The following SEC14L1 variants were observed in gnomAD, a reference collection of about 807,000 sequenced individuals.
SEC14L1 encodes SEC14 like lipid binding 1.
Under a neutral mutation model 85.3 loss-of-function variants are expected in SEC14L1, and 48 were observed. The ratio of observed to expected loss-of-function variants is 0.56; its 90% CI spans 0.45 to 0.72. The LOEUF (loss-of-function observed/expected upper bound fraction) is 0.72. Ranked by LOEUF, SEC14L1 falls within the 30% of genes least tolerant of loss-of-function variation. The probability of loss-of-function intolerance (pLI) is 0.00; values close to 1 mark genes in which losing one functional copy is unlikely to be tolerated. For missense variants in SEC14L1, 682 were observed against 921.4 expected (o/e 0.74, Z 3.36); for synonymous variants, 391 against 355.5 (o/e 1.10, Z -1.12).
chr17:77,089,333 G>A (rs777499299), intron 2 of SEC14L1: 1 of 511,484 alleles, frequency 2.0e-6, no homozygotes, highest in Non-Finnish European at 3.9e-6. Context: ...CTCCTGTGTT[G>A]TTGAGCCTGC....
chr17:77,189,744 T>TCA (rs1365732890), intron 3 of SEC14L1, among the ~76,000 whole-genome samples: 1 of 152,186 alleles, frequency 6.6e-6, no homozygotes, highest in East Asian at 1.9e-4. Context: ...TTCTCCTGCC[T>TCA]CAGCCTCCTG....
At chr17:77,140,157 T>G (rs1248721291), upstream of SEC14L1, among the ~76,000 whole-genome samples, 1 of 152,180 alleles carries the variant, frequency 6.6e-6, no homozygotes, top group Admixed American at 6.5e-5. Context: ...CCAAAATGTC[T>G]CAGTGGTACC....
chr17:77,193,556 G>A lies in SEC14L1; in HGVS notation c.474+7G>A. ...TACCAGCAACATTAAAAAAGTGAGT[G>A]TATCTTGGGATTTTGTGGCAGAGGG... On this transcript the variant is annotated splice_region_variant and intron_variant, in intron 6 of 16. Coordinates refer to ENST00000436233, the MANE Select transcript of SEC14L1 (RefSeq NM_001143998.2). The A allele has an allele frequency of 1.2e-6, 2 of 1,603,246 alleles. No homozygotes were observed. The highest frequency in any genetic ancestry group is 1.1e-5 in the South Asian group (1 of 89,960).
rs190885042 is a variant in SEC14L1, at chr17:77,119,938, C to T, written c.-135-22708C>T. On this transcript the variant is annotated intron_variant, in intron 3 of 19. Coordinates refer to the SEC14L1 transcript ENST00000392476. The stretch of plus-strand genomic sequence containing the variant: ...TCGGGAATCTGACCTTTGGGACATT[C>T]CCCAGGCTGCCCTGACCCTCAGTCT... 1.5e-3 allele frequency among the ~76,000 whole-genome samples: 222 copies of T among 152,322 alleles called. 1 individual carries two copies. Among genetic ancestry groups the T allele is most frequent in the Middle Eastern group, 3.4e-3 (1 of 294 alleles).
intron 6 of SEC14L1, among the ~76,000 whole-genome samples, chr17:77,194,212 T>C (rs1251715547): frequency 6.6e-6 from 1 of 152,204 alleles, no homozygotes; most frequent in Non-Finnish European, 1.5e-5. Flanking sequence ...TTTGGCCTTT[T>C]CTTTTTTTCT....
intron 9 of SEC14L1, among the ~76,000 whole-genome samples, 169 bp downstream of exon 9, chr17:77,200,842 A>G (rs932975600): frequency 2.0e-5 from 3 of 152,172 alleles, no homozygotes; most frequent in African/African-American, 7.2e-5. Flanking sequence ...GATACGTGTC[A>G]CCACGGGCAC....
chr17:77,138,982 G>A (rs977304926), upstream of SEC14L1, among the ~76,000 whole-genome samples: 8 of 152,128 alleles, frequency 5.3e-5, no homozygotes, highest in African/African-American at 1.9e-4. Flanking sequence ...TTAATCTATA[G>A]ATTGACCATT....
At chr17:77,204,306 C>T (rs1976345020) in intron 10 of SEC14L1, among the ~76,000 whole-genome samples, 1 of 152,118 alleles carries the variant, frequency 6.6e-6, no homozygotes, top group Non-Finnish European at 1.5e-5. Flanking sequence ...CAACCTCCAC[C>T]TCCCAGGTTC....
At chr17:77,125,327 A>G (rs1972416362) in intron 3 of SEC14L1, among the ~76,000 whole-genome samples, 1 of 152,120 alleles carries the variant, frequency 6.6e-6, no homozygotes, top group African/African-American at 2.4e-5. Flanking sequence ...AAGAAAAGAA[A>G]AAGAAAAAAA....
chr17:77,192,953 T>C (rs1975616994), intron 5 of SEC14L1, among the ~76,000 whole-genome samples: 1 of 152,226 alleles, frequency 6.6e-6, no homozygotes, highest in Non-Finnish European at 1.5e-5. Context: ...TGAACCATCA[T>C]GCCTGACCCC....
intron 3 of SEC14L1, among the ~76,000 whole-genome samples, chr17:77,108,284 C>G (rs996943629): frequency 6.6e-6 from 1 of 152,110 alleles, no homozygotes; most frequent in African/African-American, 2.4e-5. Flanking sequence ...TAAACGTGGT[C>G]GTCATAACCC....
At chr17:77,142,080 C>T (rs891879383) in intron 1 of SEC14L1, among the ~76,000 whole-genome samples, 3 of 152,112 alleles carry the variant, frequency 2.0e-5, no homozygotes, top group Non-Finnish European at 4.4e-5. Flanking sequence ...CTTTCAAGAT[C>T]ATCTCCCCGA....
intron 3 of SEC14L1, among the ~76,000 whole-genome samples, chr17:77,169,501 C>G (rs1186036648): frequency 6.6e-6 from 1 of 152,190 alleles, no homozygotes; most frequent in Non-Finnish European, 1.5e-5. Context: ...GCCGCACAAG[C>G]CTAACAGTCA....
At position 77,215,795 on chromosome 17, in the gene SEC14L1, A is replaced by G. The variant is rs1162646326; in HGVS notation, c.*1772A>G. On this transcript the variant is annotated 3_prime_UTR_variant, in exon 17 of 17. Coordinates refer to ENST00000436233, the MANE Select transcript of SEC14L1 (RefSeq NM_001143998.2). ...GGGCTAGTAGGTAGGGTTCGTAGGTAGGGTTCGTAGGTAGGGCTGGTAGGT... is the reference window on the plus strand; with the variant it reads ...GGGCTAGTAGGTAGGGTTCGTAGGTGGGGTTCGTAGGTAGGGCTGGTAGGT... 1.0e-6 allele frequency: 1 copy of G among 957,906 alleles called. No individual in the cohort carries two copies. 59.3% of individuals were successfully genotyped at this position (957,906 alleles called of 1,614,324 possible).
chr17:77,195,317 T>G (rs1197701098), intron 7 of SEC14L1, among the ~76,000 whole-genome samples: 6 of 145,366 alleles, frequency 4.1e-5, no homozygotes, highest in Non-Finnish European at 7.6e-5. Context: ...TTTTTTTTTG[T>G]TTGTTTGTTT....
At chr17:77,159,382 C>CTTTTT (rs763082986) in intron 3 of SEC14L1, among the ~76,000 whole-genome samples, 1 of 118,152 alleles carries the variant, frequency 8.5e-6, no homozygotes, top group African/African-American at 3.2e-5. Flanking sequence ...TCTTCTTCTT[C>CTTTTT]TTTTTTTTTT....
chr17:77,148,575 C>T (rs142696770), intron 3 of SEC14L1, among the ~76,000 whole-genome samples: 85 of 152,328 alleles, frequency 5.6e-4, no homozygotes, highest in Admixed American at 5.9e-4. Flanking sequence ...CTCCAGGAAC[C>T]CCTTCAGTGT....
At position 77,214,068 on chromosome 17, in the gene SEC14L1, T is replaced by G. The variant is rs781721637; in HGVS notation, c.*45T>G. On this transcript the variant is annotated 3_prime_UTR_variant, in exon 17 of 17. Transcript: ENST00000436233. ...AGTGTGCAGAGGGGACGGCCGCCCCTCCTCGGACAGCCAGCTGCACCCGCC... is the reference window on the plus strand; with the variant it reads ...AGTGTGCAGAGGGGACGGCCGCCCCGCCTCGGACAGCCAGCTGCACCCGCC... The G allele has an allele frequency of 1.3e-6, 2 of 1,584,372 alleles. No individual in the cohort carries two copies. Among genetic ancestry groups the G allele is most frequent in the Admixed American group, 3.5e-5 (2 of 56,864 alleles).
At chr17:77,146,783 G>A (rs1341237239) in intron 3 of SEC14L1, among the ~76,000 whole-genome samples, 2 of 152,032 alleles carry the variant, frequency 1.3e-5, no homozygotes, top group South Asian at 2.1e-4. Context: ...TTTTAAATCC[G>A]AAAATGAAAT....
Sources: allele counts gnomAD v4.1 joint callset (sites outside exome capture counted in the v4.1 genomes callset), GRCh38; gene constraint gnomAD v4.1.1; transcripts MANE v1.5; gene names NCBI Gene and HGNC (gene_info 2026-07-23, HGNC 2026-07-21).